ZFPM1: variants seen among roughly 807,000 people sequenced by gnomAD.
The protein encoded by ZFPM1 is zinc finger protein, FOG family member 1, also known as zinc finger protein ZFPM1.
ZFPM1 carries 28 observed loss-of-function variants against 46.3 expected under a neutral mutation model. The observed-to-expected ratio is 0.60, with a 90% confidence interval of 0.45 to 0.83. The LOEUF is 0.83. Among genes scored for constraint, ZFPM1 ranks in the 40% least tolerant of loss-of-function variants. The pLI is 0.00. For synonymous variants in ZFPM1, 957 were observed against 675.9 expected, an observed-to-expected ratio of 1.42 and a Z score of -6.45; for missense variants, 1,878 against 1,432.4, an observed-to-expected ratio of 1.31 and a Z score of -5.02.
chr16:88,463,823 T>C (rs139584743), intron 1 of ZFPM1, among the ~76,000 whole-genome samples: 2 of 152,350 alleles, frequency 1.3e-5, no homozygotes, highest in South Asian at 2.1e-4. Context: ...CAGATCCAGC[T>C]CTGGCCTCAA....
intron 3 of ZFPM1, among the ~76,000 whole-genome samples, chr16:88,503,599 A>G (rs1353984): frequency 0.36 from 54,027 of 151,620 alleles, 10,039 homozygotes; most frequent in East Asian, 0.47. Context: ...CTCTCTGTGG[A>G]GCCAGGTCCT....
chr16:88,478,366 G>A (rs756078043), intron 1 of ZFPM1, among the ~76,000 whole-genome samples: 5 of 152,228 alleles, frequency 3.3e-5, no homozygotes, highest in Non-Finnish European at 5.9e-5. Context: ...TGGGCCAGGG[G>A]TGGGGCTGCT....
chr16:88,525,984 C>T (rs1216733250), intron 4 of ZFPM1, among the ~76,000 whole-genome samples: 1 of 152,262 alleles, frequency 6.6e-6, no homozygotes, highest in African/African-American at 2.4e-5. Flanking sequence ...TGTCCCTCCC[C>T]TTCCCAGGCC....
At chr16:88,508,899 G>A (rs191542853) in intron 3 of ZFPM1, among the ~76,000 whole-genome samples, 120 of 152,322 alleles carry the variant, frequency 7.9e-4, no homozygotes, top group African/African-American at 2.5e-3. Flanking sequence ...GGGGCCCCGC[G>A]GGGTTTGCCT....
chr16:88,526,802 C>CCCCCCCCCCCA lies in ZFPM1; in HGVS notation c.403-12_403-11insCCCCCCCCCCA. On this transcript the variant is annotated splice_polypyrimidine_tract_variant and intron_variant, in intron 4 of 9. Coordinates refer to ENST00000319555, the MANE Select transcript of ZFPM1 (RefSeq NM_153813.3). ...GGACCCCTCCCCACGTGTTCCTACCCTCCCCCCCCAGAGCCCAGCCCTGAC... is the reference window on the plus strand; with the variant it reads ...GGACCCCTCCCCACGTGTTCCTACCCCCCCCCCCCCATCCCCCCCCAGAGCCCAGCCCTGAC... 7.2e-7 allele frequency: 1 copy of CCCCCCCCCCCA among 1,395,428 alleles called. No individual in the cohort carries two copies. Among genetic ancestry groups the CCCCCCCCCCCA allele is most frequent in the Non-Finnish European group, 9.6e-7 (1 of 1,045,608 alleles). 86.4% of individuals were successfully genotyped at this position (1,395,428 alleles called of 1,614,324 possible).
chr16:88,490,388 T>C lies in ZFPM1; in HGVS notation c.268+1235T>C, dbSNP rs1387492564. Among the ~76,000 whole-genome samples the C allele has an allele frequency of 3.3e-5, 5 of 152,218 alleles. No homozygotes were observed. The East Asian group carries it at 7.7e-4, about 23-fold the overall frequency. On this transcript the variant is annotated intron_variant, in intron 3 of 9. Transcript: ENST00000319555. The stretch of plus-strand genomic sequence containing the variant: ...TTGAGTGCCTGCTGTGTGCCAGGCA[T>C]ATAGCCGGGAGCAGATGGCCGATGC...
In ZFPM1 at chr16:88,491,487, G is replaced by T. The variant is rs1909571691; in HGVS notation, c.268+2334G>T. ...GGATGCAGGACGCATCCACCGTCAT[G>T]CGGCTGGGAGGTGGTGGAGCTGGGT... On this transcript the variant is annotated intron_variant, in intron 3 of 9. Coordinates refer to ENST00000319555, the MANE Select transcript of ZFPM1 (RefSeq NM_153813.3). Among the ~76,000 whole-genome samples, 3 of 152,230 alleles carry T rather than the reference G, an allele frequency of 2.0e-5. No homozygotes were observed. The South Asian group carries it at 6.2e-4, about 32-fold the overall frequency.
At chr16:88,492,782 C>A (rs979214587) in intron 3 of ZFPM1, among the ~76,000 whole-genome samples, 2 of 152,146 alleles carry the variant, frequency 1.3e-5, no homozygotes, top group African/African-American at 4.8e-5. Context: ...TCCCAGACTC[C>A]CTGGAGGCAC....
At chr16:88,477,450 G>C (rs1359732478) in intron 1 of ZFPM1, among the ~76,000 whole-genome samples, 2 of 152,226 alleles carry the variant, frequency 1.3e-5, no homozygotes, top group East Asian at 3.8e-4. Flanking sequence ...CCCATTTCCA[G>C]CAAACTTTCC....
chr16:88,504,636 T>TGCACAC (rs1348821888), intron 3 of ZFPM1, among the ~76,000 whole-genome samples: 2 of 151,852 alleles, frequency 1.3e-5, no homozygotes, highest in Non-Finnish European at 2.9e-5. Flanking sequence ...CCCTTAAGGG[T>TGCACAC]ACATGGAGGG....
chr16:88,528,808 G>A (rs548424252), intron 6 of ZFPM1, among the ~76,000 whole-genome samples: 98 of 152,318 alleles, frequency 6.4e-4, no homozygotes, highest in Middle Eastern at 3.4e-3. Context: ...CTAGTCTCAA[G>A]CCATCCTGCC....
intron 3 of ZFPM1, among the ~76,000 whole-genome samples, chr16:88,507,561 T>C (rs1597260518): frequency 6.6e-6 from 1 of 151,970 alleles, no homozygotes; most frequent in African/African-American, 2.4e-5. Flanking sequence ...CTGGACGGGG[T>C]ATGACTCAGA....
intron 3 of ZFPM1, 65 bp downstream of exon 3, chr16:88,489,218 G>A (rs1485991281): frequency 1.2e-5 from 18 of 1,520,974 alleles, no homozygotes; most frequent in Non-Finnish European, 1.6e-5. Context: ...GCCCCTGGGA[G>A]CAGGGCGACG....
At chr16:88,461,282 G>T (rs1907878185) in intron 1 of ZFPM1, among the ~76,000 whole-genome samples, 1 of 151,582 alleles carries the variant, frequency 6.6e-6, no homozygotes, top group Admixed American at 6.6e-5. Context: ...TGCGAGGCCT[G>T]GTGAGGACCA....
chr16:88,486,835 A>C (rs1270089665), intron 2 of ZFPM1, among the ~76,000 whole-genome samples: 1 of 150,786 alleles, frequency 6.6e-6, no homozygotes, highest in Non-Finnish European at 1.5e-5. Context: ...CTGGGTGCAC[A>C]GTGGATGCTG....
At position 88,534,384 on chromosome 16, in the gene ZFPM1, C is replaced by T. The variant is rs75878389; in HGVS notation, c.2426C>T (p.Pro809Leu). ...KKPRRPLPGAPAPALADYHEC... is the reference protein window; with the variant it reads ...KKPRRPLPGALAPALADYHEC... ...CCGCGGCGCCCGCTCCCCGGAGCCC[C>T]GGCACCGGCGCTGGCCGACTACCAC... is the stretch of plus-strand genomic sequence containing the variant. The change falls in exon 10 of 10, where the codon CCG becomes CTG. Residue 809 changes from proline to leucine, a missense_variant. Transcript: ENST00000319555. The T allele has an allele frequency of 0.041, 60,060 of 1,458,536 alleles. 2,130 individuals are homozygous for T. Among genetic ancestry groups the T allele is most frequent in the South Asian group, 0.13 (10,448 of 77,780 alleles). 90.3% of individuals were successfully genotyped at this position (1,458,536 alleles called of 1,614,324 possible).
At chr16:88,470,976 C>G (rs1476916722) in intron 1 of ZFPM1, among the ~76,000 whole-genome samples, 2 of 152,132 alleles carry the variant, frequency 1.3e-5, no homozygotes, top group Non-Finnish European at 2.9e-5. Context: ...CGCACTGACC[C>G]AGGGCCCAGC....
At chr16:88,478,032 C>G (rs577665660) in intron 1 of ZFPM1, among the ~76,000 whole-genome samples, 41 of 152,088 alleles carry the variant, frequency 2.7e-4, no homozygotes, top group African/African-American at 9.2e-4. Context: ...CACGAGCTCC[C>G]CATGGCAGGG....
chr16:88,496,807 T>C (rs1031945428), intron 3 of ZFPM1, among the ~76,000 whole-genome samples: 6 of 152,122 alleles, frequency 3.9e-5, no homozygotes, highest in African/African-American at 1.4e-4. Context: ...TCTCGACTCC[T>C]GGTATACAGG....
Sources: gnomAD v4.1 joint callset for allele counts (sites outside exome capture counted in the v4.1 genomes callset) on GRCh38, gnomAD v4.1.1 for gene constraint, MANE v1.5 for transcripts, NCBI Gene and HGNC (gene_info 2026-07-23, HGNC 2026-07-21) for gene names.